The following ANKRD34B variants were observed in gnomAD, a reference collection of about 807,000 sequenced individuals.
ANKRD34B encodes ankyrin repeat domain 34B, also known as ankyrin repeat domain-containing protein 34B.
A neutral mutation model predicts 4.4 loss-of-function variants in ANKRD34B; 2 were observed. That is an observed-to-expected ratio of 0.46 (90% CI 0.19 to 1.44). The LOEUF (loss-of-function observed/expected upper bound fraction) is 1.44, where lower values mean the gene tolerates loss of function less well. ANKRD34B is among the 40% of genes most tolerant of loss of function. The pLI is 0.26. For synonymous variants in ANKRD34B, 226 were observed against 227.1 expected (o/e 0.99, Z 0.05); for missense variants, 558 against 604.7 (o/e 0.92, Z 0.81).
chr5:80,562,661 G>A (rs1375450168), intron 4 of ANKRD34B, among the ~76,000 whole-genome samples: 2 of 152,090 alleles, frequency 1.3e-5, no homozygotes, highest in African/African-American at 4.8e-5. Context: ...GTGCCACCGC[G>A]CCCAGCCTGT....
chr5:80,561,288 C>G (rs1001194058), intron 4 of ANKRD34B, among the ~76,000 whole-genome samples: 4 of 152,006 alleles, frequency 2.6e-5, no homozygotes, highest in African/African-American at 9.7e-5. Context: ...GGGGGAGAAT[C>G]AGATGAATGT....
rs1176712133 is a variant in ANKRD34B, at chr5:80,559,192, T to C, written c.828A>G (p.Glu276=). The change falls in exon 5 of 5, where the codon GAA becomes GAG. Residue 276 remains glutamate, a synonymous_variant. Transcript: ENST00000338682. ...CCAGCCCATTGGTTTTATAGGATAG[T>C]TCTTCCTCTGGTGTAATATCCTGGA... The part of the protein sequence containing the change: ...EELQDITPEE[E]LSYKTNGLAL... The C allele has an allele frequency of 1.2e-6, 2 of 1,614,210 alleles. No individual in the cohort carries two copies. Among genetic ancestry groups the C allele is most frequent in the Non-Finnish European group, 8.5e-7 (1 of 1,180,044 alleles).
chr5:80,563,461 G>A (rs1746465001), intron 4 of ANKRD34B, among the ~76,000 whole-genome samples: 1 of 152,152 alleles, frequency 6.6e-6, no homozygotes, highest in South Asian at 2.1e-4. Context: ...AATTTACAAA[G>A]AGTCCTATTA....
At chr5:80,566,948 C>T (rs1746584305) in intron 2 of ANKRD34B, among the ~76,000 whole-genome samples, 174 bp from the exon 3 acceptor site, 1 of 152,154 alleles carries the variant, frequency 6.6e-6, no homozygotes, top group South Asian at 2.1e-4. Context: ...ATTCTATGCA[C>T]AGCAACCCCG....
intron 3 of ANKRD34B, among the ~76,000 whole-genome samples, chr5:80,565,143 G>A (rs1311849717): frequency 6.6e-6 from 1 of 152,242 alleles, no homozygotes; most frequent in Non-Finnish European, 1.5e-5. Context: ...ATCAGTGCCT[G>A]AATGGAAGAA....
chr5:80,562,562 C>G (rs1308571066), intron 4 of ANKRD34B, among the ~76,000 whole-genome samples: 1 of 152,212 alleles, frequency 6.6e-6, no homozygotes, highest in Non-Finnish European at 1.5e-5. Flanking sequence ...TTCGAGGAGG[C>G]CGGCAGCCAC....
chr5:80,561,394 T>C (rs71636239), intron 4 of ANKRD34B, among the ~76,000 whole-genome samples: 3 of 152,108 alleles, frequency 2.0e-5, no homozygotes, highest in Non-Finnish European at 4.4e-5. Context: ...ATTAAGATTA[T>C]GGGAAATAGA....
At chr5:80,563,391 A>G (rs1235638347) in intron 4 of ANKRD34B, among the ~76,000 whole-genome samples, 1 of 152,228 alleles carries the variant, frequency 6.6e-6, no homozygotes, top group Non-Finnish European at 1.5e-5. Context: ...ACTTATTGTA[A>G]AATAGAATGT....
In ANKRD34B at chr5:80,559,941, T is replaced by C. The variant is rs983302797; in HGVS notation, c.79A>G (p.Arg27Gly). Reference sequence around the variant, plus strand: ...TAGGCACCGCCTTCTAGCAAAAGTCTTGTGAGGCGAAGCCGGCTCTGATGG... The same window carrying C: ...TAGGCACCGCCTTCTAGCAAAAGTCCTGTGAGGCGAAGCCGGCTCTGATGG... ...AVHQSRLRLT[R>G]LLLEGGAYIN... Residue 27 changes from arginine (R) to glycine (G), a missense_variant, in exon 5 of 5, where the codon AGA becomes GGA. Arg to Gly is a moderately radical substitution (Grantham distance 125). Coordinates refer to ENST00000338682, the MANE Select transcript of ANKRD34B (RefSeq NM_001004441.3). 1.2e-6 allele frequency: 2 copies of C among 1,614,112 alleles called. No homozygotes were observed. Among genetic ancestry groups the C allele is most frequent in the East Asian group, 2.2e-5 (1 of 44,890 alleles).
intron 3 of ANKRD34B, among the ~76,000 whole-genome samples, chr5:80,565,841 A>G (rs1014404984): frequency 6.6e-6 from 1 of 152,232 alleles, no homozygotes; most frequent in African/African-American, 2.4e-5. Context: ...TAAGCAAAAC[A>G]TGGAAAGAGC....
At chr5:80,561,754 G>C (rs367889330) in intron 4 of ANKRD34B, among the ~76,000 whole-genome samples, 1 of 152,208 alleles carries the variant, frequency 6.6e-6, no homozygotes, top group South Asian at 2.1e-4. Context: ...GCAGACAAAG[G>C]AGGAGGGAGA....
At chr5:80,561,744 G>A (rs909313463) in intron 4 of ANKRD34B, among the ~76,000 whole-genome samples, 1 of 152,136 alleles carries the variant, frequency 6.6e-6, no homozygotes. Flanking sequence ...AATCTGGCAG[G>A]CAGACAAAGG....
chr5:80,568,391 G>C (rs1324397784), intron 2 of ANKRD34B, among the ~76,000 whole-genome samples: 1 of 152,248 alleles, frequency 6.6e-6, no homozygotes, highest in Non-Finnish European at 1.5e-5. Context: ...GGCAGAGATA[G>C]ATGGCTGCCA....
In ANKRD34B at chr5:80,558,823, T is replaced by C. The variant is rs369300772; in HGVS notation, c.1197A>G (p.Pro399=). Reference sequence around the variant, plus strand: ...TGGACTCTGACAATTGGGAAGGAGATGGTGAGAGGATCTTTTTCTTTCCTA... The same window carrying C: ...TGGACTCTGACAATTGGGAAGGAGACGGTGAGAGGATCTTTTTCTTTCCTA... The part of the protein sequence containing the change: ...ALIGKKKILS[P]SPSQLSESKE... The change falls in exon 5 of 5, where the codon CCA becomes CCG. Residue 399 remains proline (P), a synonymous_variant. Coordinates refer to ENST00000338682, the MANE Select transcript of ANKRD34B (RefSeq NM_001004441.3). 733 of 1,614,022 alleles carry C rather than the reference T, an allele frequency of 4.5e-4. 10 individuals carry two copies. The South Asian group carries it at 7.7e-3, about 17-fold the overall frequency.
At position 80,558,613 on chromosome 5, in the gene ANKRD34B, A is replaced by C; in HGVS notation, c.1407T>G (p.Ile469Met). 1 of 1,614,100 alleles carries C rather than the reference A, an allele frequency of 6.2e-7. No individual in the cohort carries two copies. Among genetic ancestry groups the C allele is most frequent in the Non-Finnish European group, 8.5e-7 (1 of 1,179,950 alleles). ...TTTGACCACAAGAAAGAAGGCTGCA[A>C]ATCTTGTTGTTGACATTGATATCTG... ...PISDINVNNK[I>M]CSLLSCGQKV... Residue 469 changes from isoleucine to methionine, a missense_variant, in exon 5 of 5, where the codon ATT becomes ATG. Coordinates refer to ENST00000338682, the MANE Select transcript of ANKRD34B (RefSeq NM_001004441.3).
At chr5:80,563,225 G>C (rs1011331056) in intron 4 of ANKRD34B, among the ~76,000 whole-genome samples, 1 of 152,104 alleles carries the variant, frequency 6.6e-6, no homozygotes, top group African/African-American at 2.4e-5. Flanking sequence ...GTAGAGATTA[G>C]GAGAACAATG....
In ANKRD34B at chr5:80,559,801, G is replaced by T; in HGVS notation, c.219C>A (p.Asn73Lys). 2 of 1,614,188 alleles carry T rather than the reference G, an allele frequency of 1.2e-6. No homozygotes were observed. The highest frequency in any genetic ancestry group is 1.7e-6 in the Non-Finnish European group (2 of 1,180,036). Residue 73 changes from asparagine (N) to lysine (K), a missense_variant, in exon 5 of 5, where the codon AAC (asparagine) becomes AAA (lysine). Coordinates refer to ENST00000338682, the MANE Select transcript of ANKRD34B (RefSeq NM_001004441.3). ...TGTCCTGTATGTTGGGATCGGCATTGTTCTCTAACAGGTATTTCACCATTT... is the reference window on the plus strand; with the variant it reads ...TGTCCTGTATGTTGGGATCGGCATTTTTCTCTAACAGGTATTTCACCATTT... ...KAKMVKYLLENNADPNIQDKS... is the reference protein window; with the variant it reads ...KAKMVKYLLEKNADPNIQDKS...
At chr5:80,566,175 G>A (rs1419741526) in intron 3 of ANKRD34B, among the ~76,000 whole-genome samples, 1 of 152,174 alleles carries the variant, frequency 6.6e-6, no homozygotes, top group Non-Finnish European at 1.5e-5. Context: ...GGGGGATGGT[G>A]GAGTGGCAAA....
intron 3 of ANKRD34B, among the ~76,000 whole-genome samples, chr5:80,565,466 C>T (rs1056346523): frequency 6.6e-5 from 10 of 152,222 alleles, no homozygotes; most frequent in East Asian, 3.8e-4. Flanking sequence ...TTCAGGCATC[C>T]GACAGGTGTC....
Sources: gnomAD v4.1 joint callset for allele counts (sites outside exome capture counted in the v4.1 genomes callset) on GRCh38, gnomAD v4.1.1 for gene constraint, MANE v1.5 for transcripts, NCBI Gene and HGNC (gene_info 2026-07-23, HGNC 2026-07-21) for gene names.